LNX2: variants seen among roughly 807,000 people sequenced by gnomAD.
LNX2 encodes ligand of Numb protein X 2.
In LNX2, 35 loss-of-function variants were observed where a neutral mutation model predicts 66.2. The ratio of observed to expected loss-of-function variants is 0.53; its 90% CI spans 0.40 to 0.70. LNX2 has a LOEUF of 0.70. Ranked by LOEUF, LNX2 falls within the 30% of genes least tolerant of loss-of-function variation. The pLI is 0.00. For synonymous variants in LNX2, 337 were observed against 315.6 expected (o/e 1.07, Z -0.72); for missense variants, 791 against 850.8 (o/e 0.93, Z 0.87).
At chr13:27,566,436 G>C (rs1390106228) in intron 4 of LNX2, among the ~76,000 whole-genome samples, 2 of 152,214 alleles carry the variant, frequency 1.3e-5, no homozygotes, top group Non-Finnish European at 2.9e-5. Flanking sequence ...TGTGAGAAAT[G>C]AATGAGCTGG....
chr13:27,566,467 G>C (rs1955207028), intron 4 of LNX2, among the ~76,000 whole-genome samples: 1 of 152,184 alleles, frequency 6.6e-6, no homozygotes, highest in Admixed American at 6.5e-5. Context: ...ATGAAGAATT[G>C]AGATTAACAA....
chr13:27,583,868 T>A (rs1241637404), intron 1 of LNX2, among the ~76,000 whole-genome samples: 1 of 151,858 alleles, frequency 6.6e-6, no homozygotes, highest in Non-Finnish European at 1.5e-5. Flanking sequence ...TGGAGAGACA[T>A]GAAAAGAACT....
chr13:27,566,722 A>G (rs1185675618), intron 4 of LNX2, among the ~76,000 whole-genome samples: 2 of 152,196 alleles, frequency 1.3e-5, no homozygotes, highest in Admixed American at 6.5e-5. Flanking sequence ...AGTAGGGGGT[A>G]GATATCAACA....
chr13:27,569,625 G>A (rs1016530731), intron 2 of LNX2, among the ~76,000 whole-genome samples: 2 of 152,150 alleles, frequency 1.3e-5, no homozygotes, highest in South Asian at 4.1e-4. Context: ...CCCATTTACA[G>A]GTTAAATGGC....
intron 2 of LNX2, among the ~76,000 whole-genome samples, chr13:27,580,189 C>A (rs572426062): frequency 6.6e-6 from 1 of 152,194 alleles, no homozygotes; most frequent in East Asian, 1.9e-4. Context: ...CATGACTTGA[C>A]CTACGATAGA....
At chr13:27,552,435 T>C (rs1448049959) in intron 8 of LNX2, among the ~76,000 whole-genome samples, 2 of 152,224 alleles carry the variant, frequency 1.3e-5, no homozygotes, top group Non-Finnish European at 2.9e-5. Context: ...CAAATTCTTA[T>C]TGTTTTATTT....
chr13:27,620,485 T>C lies in LNX2; in HGVS notation c.-211A>G, dbSNP rs1593272115. ...GAGCGGAGAGCCTGCCCGGCTCCGC[T>C]CCGCCAGGAATCGCCGCCGCCGCCG... On this transcript the variant is annotated 5_prime_UTR_variant, in exon 1 of 10. Coordinates refer to ENST00000316334, the MANE Select transcript of LNX2 (RefSeq NM_153371.4). The C allele has an allele frequency of 5.8e-6, 1 of 171,810 alleles. No individual in the cohort carries two copies. The highest frequency in any genetic ancestry group is 1.2e-5 in the Non-Finnish European group (1 of 83,764). The allele number at this position is 171,810 out of a possible 1,614,324, so 10.6% of individuals were successfully genotyped here. A position where few individuals can be genotyped will look rare whatever the true frequency, so the allele number is the denominator to read the frequency against.
At chr13:27,613,488 C>T (rs543225180) in intron 1 of LNX2, among the ~76,000 whole-genome samples, 99 of 152,260 alleles carry the variant, frequency 6.5e-4, no homozygotes, top group Non-Finnish European at 1.1e-3. Flanking sequence ...ACAGTGGAAG[C>T]AGGCCGGGCG....
intron 1 of LNX2, among the ~76,000 whole-genome samples, chr13:27,590,617 T>C (rs1955537407): frequency 1.3e-5 from 2 of 152,146 alleles, no homozygotes; most frequent in Non-Finnish European, 2.9e-5. Flanking sequence ...TAGGTGGTTT[T>C]AGATAGCAGA....
chr13:27,573,617 G>T (rs1411279087), intron 2 of LNX2, among the ~76,000 whole-genome samples: 1 of 152,098 alleles, frequency 6.6e-6, no homozygotes, highest in Non-Finnish European at 1.5e-5. Flanking sequence ...TGGCGTGAGT[G>T]TTGAGGGTGT....
chr13:27,583,772 T>G (rs1309499342), intron 1 of LNX2, among the ~76,000 whole-genome samples: 3 of 149,794 alleles, frequency 2.0e-5, no homozygotes, highest in African/African-American at 7.4e-5. Flanking sequence ...ACAGAAGAGG[T>G]AGGGAGAGGA....
intron 2 of LNX2, among the ~76,000 whole-genome samples, chr13:27,571,115 G>A (rs905345698): frequency 1.3e-5 from 2 of 152,182 alleles, no homozygotes; most frequent in African/African-American, 4.8e-5. Flanking sequence ...AGAAGAGGAA[G>A]GCCATAGATT....
At chr13:27,595,262 C>A (rs1161672604) in intron 1 of LNX2, among the ~76,000 whole-genome samples, 2 of 152,202 alleles carry the variant, frequency 1.3e-5, no homozygotes, top group African/African-American at 4.8e-5. Context: ...TCCACCCAAA[C>A]ACAAGCTCTC....
intron 1 of LNX2, among the ~76,000 whole-genome samples, chr13:27,610,564 T>C (rs577840954): frequency 5.3e-5 from 8 of 152,212 alleles, no homozygotes; most frequent in African/African-American, 1.9e-4. Context: ...AGAAAACATA[T>C]TGGAAACACT....
At chr13:27,554,519 T>C (rs537466780) in intron 7 of LNX2, among the ~76,000 whole-genome samples, 1 of 152,354 alleles carries the variant, frequency 6.6e-6, no homozygotes, top group Non-Finnish European at 1.5e-5. Flanking sequence ...CTTCTTTTAC[T>C]TGCATAATAT....
rs373162344 is a variant in LNX2, at chr13:27,573,332, T to TC, written c.408-4057dup. Among the ~76,000 whole-genome samples, 480 of 152,100 alleles carry TC rather than the reference T, an allele frequency of 3.2e-3. 1 individual carries two copies. The highest frequency in any genetic ancestry group is 0.011 in the African/African-American group (436 of 41,462). ...TGCTTGTCTTTTTTCTTCTTTTTTT[T>TC]CCCCCTATACTTGTTTCCTGTATGA... On this transcript the variant is annotated intron_variant, in intron 2 of 9. Coordinates refer to ENST00000316334, the MANE Select transcript of LNX2 (RefSeq NM_153371.4).
chr13:27,612,411 T>C (rs1457559405), intron 1 of LNX2, among the ~76,000 whole-genome samples: 1 of 152,160 alleles, frequency 6.6e-6, no homozygotes, highest in Admixed American at 6.5e-5. Context: ...CAGCCAGATA[T>C]CTGTTTAAGG....
At chr13:27,558,152 A>G (rs375959299) in intron 6 of LNX2, among the ~76,000 whole-genome samples, 1 of 152,028 alleles carries the variant, frequency 6.6e-6, no homozygotes, top group African/African-American at 2.4e-5. Context: ...ATTTTTTCAG[A>G]ATGATTATAA....
At chr13:27,549,118 A>C (rs1194126882) in intron 9 of LNX2, among the ~76,000 whole-genome samples, 2 of 152,222 alleles carry the variant, frequency 1.3e-5, no homozygotes, top group Non-Finnish European at 2.9e-5. Context: ...AACTTAGCTA[A>C]GAGAGTGATT....
Sources: gnomAD v4.1 joint callset for allele counts (sites outside exome capture counted in the v4.1 genomes callset) on GRCh38, gnomAD v4.1.1 for gene constraint, MANE v1.5 for transcripts, NCBI Gene and HGNC (gene_info 2026-07-23, HGNC 2026-07-21) for gene names.